The following CNDP2 variants were observed in gnomAD, a reference collection of about 807,000 sequenced individuals.
CNDP2 encodes the protein carnosine dipeptidase 2.
Under a neutral mutation model 55.0 loss-of-function variants are expected in CNDP2, and 38 were observed. The observed-to-expected ratio is 0.69, with a 90% CI of 0.53 to 0.90. The LOEUF is 0.90. Ranked by LOEUF, CNDP2 falls within the 40% of genes least tolerant of loss-of-function variation. The pLI is 0.00. For synonymous variants in CNDP2, 241 were observed against 260.2 expected (o/e 0.93, Z 0.71); for missense variants, 607 against 621.7 (o/e 0.98, Z 0.25).
At chr18:74,511,572 G>A (rs1345953624) in intron 6 of CNDP2, among the ~76,000 whole-genome samples, 1 of 152,162 alleles carries the variant, frequency 6.6e-6, no homozygotes, top group African/African-American at 2.4e-5. Context: ...GCCAGGTGTG[G>A]TGGCAGGTGC....
At chr18:74,503,596 C>T (rs1978833833) in intron 3 of CNDP2, among the ~76,000 whole-genome samples, 1 of 152,236 alleles carries the variant, frequency 6.6e-6, no homozygotes, top group Non-Finnish European at 1.5e-5. Context: ...AATCTGTGGT[C>T]ATTTGAAAAT....
In CNDP2 at chr18:74,513,602, T is replaced by C; in HGVS notation, c.786T>C (p.Ile262=). 1 of 1,613,922 alleles carries C rather than the reference T, an allele frequency of 6.2e-7. No homozygotes were observed. Among genetic ancestry groups the C allele is most frequent in the East Asian group, 2.2e-5 (1 of 44,866 alleles). Residue 262 remains isoleucine, a synonymous_variant, in exon 8 of 12, where the codon ATT becomes ATC. Coordinates refer to ENST00000324262, the MANE Select transcript of CNDP2 (RefSeq NM_018235.3). The stretch of plus-strand genomic sequence containing the variant: ...GGGGGAACATCCTGATCCCCGGCAT[T>C]AACGAGGCCGTGGCCGCCGTCACGG... ...DKRGNILIPG[I]NEAVAAVTEE... is the part of the protein sequence containing the mutation.
At chr18:74,497,260 C>G (rs748077859) in intron 1 of CNDP2, among the ~76,000 whole-genome samples, 9 of 152,144 alleles carry the variant, frequency 5.9e-5, no homozygotes, top group African/African-American at 1.9e-4. Context: ...GAAGAGAAGT[C>G]CACATTATGC....
At chr18:74,516,435 T>C (rs984855661) in intron 9 of CNDP2, 43 bp downstream of exon 9, 1 of 1,555,660 alleles carries the variant, frequency 6.4e-7, no homozygotes, top group East Asian at 2.3e-5. Context: ...AGAGCTACTG[T>C]GTCCGGGCAG....
chr18:74,503,262 C>A (rs2144578174), intron 3 of CNDP2, among the ~76,000 whole-genome samples: 1 of 152,226 alleles, frequency 6.6e-6, no homozygotes, highest in South Asian at 2.1e-4. Context: ...TGATTTTTAT[C>A]AAGGAATTGA....
intron 2 of CNDP2, 159 bp from the exon 3 acceptor site, chr18:74,501,170 A>G: frequency 7.3e-7 from 1 of 1,366,258 alleles, no homozygotes; most frequent in South Asian, 1.9e-5. Flanking sequence ...TAAAATCTTT[A>G]ACCCAAAGCA....
In CNDP2 at chr18:74,501,259, C is replaced by T. The variant is rs112631134; in HGVS notation, c.61-70C>T. 1.4e-3 allele frequency: 2,165 copies of T among 1,550,086 alleles called. 27 individuals are homozygous for T. In the African/African-American group the frequency reaches 0.026, roughly 19 times the overall value. Reference sequence around the variant, plus strand: ...AGAGGGTGAGCCTGGAATGTGGCAACGTTACGGGAGCCTCTTCTCCCTCAA... The same window carrying T: ...AGAGGGTGAGCCTGGAATGTGGCAATGTTACGGGAGCCTCTTCTCCCTCAA... On this transcript the variant is annotated intron_variant, in intron 2 of 11. Coordinates refer to ENST00000324262, the MANE Select transcript of CNDP2 (RefSeq NM_018235.3).
At chr18:74,509,632 CA>C (rs35007246) in intron 5 of CNDP2, 47,985 of 137,570 alleles carry the variant, frequency 0.35, 7,834 homozygotes, top group Non-Finnish European at 0.39. Flanking sequence ...GACTCTGTCT[CA>C]AAAAAAAAAA....
intron 1 of CNDP2, among the ~76,000 whole-genome samples, chr18:74,498,730 G>A (rs149191198): frequency 6.6e-6 from 1 of 152,266 alleles, no homozygotes; most frequent in African/African-American, 2.4e-5. Context: ...CGTGCTCATG[G>A]GCTCCATCTT....
chr18:74,520,038 C>T lies in CNDP2; in HGVS notation c.1398C>T (p.Tyr466=). The T allele has an allele frequency of 6.2e-7, 1 of 1,614,146 alleles. No homozygotes were observed. Among genetic ancestry groups the T allele is most frequent in the Non-Finnish European group, 8.5e-7 (1 of 1,180,004 alleles). Residue 466 remains tyrosine, a synonymous_variant, in exon 12 of 12, where the codon TAC becomes TAT. Coordinates refer to ENST00000324262, the MANE Select transcript of CNDP2 (RefSeq NM_018235.3). ...AGGGAACCAAGATGCTGGCCGCGTA[C>T]CTGTATGAGGTCTCCCAGCTGAAGG... The part of the protein sequence containing the change: ...YIEGTKMLAA[Y]LYEVSQLKD
At position 74,521,404 on chromosome 18, in the gene CNDP2, T is replaced by TA. The variant is rs1980039447; in HGVS notation, c.*1340dup. 6.6e-6 allele frequency: 1 copy of TA among 152,182 alleles called. No homozygotes were observed. The highest frequency in any genetic ancestry group is 2.1e-4 in the South Asian group (1 of 4,822). The allele number at this position is 152,182 out of a possible 1,614,324, so 9.4% of individuals were successfully genotyped here. ...AAAGAATTGATTGGCCCACTTGACA[T>TA]AAAAGAACAGAGTAAACTCAATGAA... On this transcript the variant is annotated 3_prime_UTR_variant, in exon 12 of 12. Transcript: ENST00000324262.
At chr18:74,510,650 C>T (rs554721687) in intron 5 of CNDP2, among the ~76,000 whole-genome samples, 163 bp from the exon 6 acceptor site, 2 of 152,178 alleles carry the variant, frequency 1.3e-5, no homozygotes, top group Admixed American at 6.5e-5. Context: ...GGAGCCACAG[C>T]GGCCTGGCAG....
Position 74,505,875 on chromosome 18 carries a change from C to G in CNDP2, c.231C>G (p.Leu77=). Reference sequence around the variant, plus strand: ...TCCCTGATGGCTCGGAGATCCCGCTCCCTCCTATTCTGCTCGGCAGGCTGG... The same window carrying G: ...TCCCTGATGGCTCGGAGATCCCGCTGCCTCCTATTCTGCTCGGCAGGCTGG... ...QKLPDGSEIP[L]PPILLGRLGS... Residue 77 remains leucine (L), a synonymous_variant, in exon 4 of 12, where the codon CTC becomes CTG. Coordinates refer to ENST00000324262, the MANE Select transcript of CNDP2 (RefSeq NM_018235.3). 1.2e-6 allele frequency: 2 copies of G among 1,610,198 alleles called. No homozygotes were observed. Among genetic ancestry groups the G allele is most frequent in the Non-Finnish European group, 1.7e-6 (2 of 1,178,888 alleles).
intron 3 of CNDP2, among the ~76,000 whole-genome samples, chr18:74,502,472 G>GTTTTTTTTTTTT (rs139713521): frequency 6.7e-6 from 1 of 148,608 alleles, no homozygotes; most frequent in Admixed American, 6.7e-5. Context: ...TTGTCTTTTT[G>GTTTTTTTTTTTT]GTTTTTTTTT....
Position 74,506,017 on chromosome 18 carries a change from C to A in CNDP2, c.367+6C>A. Reference sequence around the variant, plus strand: ...CACCCTGGTGGAGCGAGACGGTGAGCGCCGCGCGCCTATGCGTGCCCAGAG... The same window carrying A: ...CACCCTGGTGGAGCGAGACGGTGAGAGCCGCGCGCCTATGCGTGCCCAGAG... On this transcript the variant is annotated splice_donor_region_variant and intron_variant, in intron 4 of 11. Coordinates refer to ENST00000324262, the MANE Select transcript of CNDP2 (RefSeq NM_018235.3). The A allele has an allele frequency of 6.4e-7, 1 of 1,563,962 alleles. No homozygotes were observed. The highest frequency in any genetic ancestry group is 1.2e-5 in the South Asian group (1 of 83,372).
intron 2 of CNDP2, 83 bp from the exon 3 acceptor site, chr18:74,501,237 GGGTGAGCCT>G: frequency 6.6e-7 from 1 of 1,517,158 alleles, no homozygotes; most frequent in Non-Finnish European, 8.8e-7. Context: ...CAGCCACAGA[GGGTGAGCCT>G]GGAATGTGGC....
At chr18:74,510,481 G>A (rs1282705483) in intron 5 of CNDP2, among the ~76,000 whole-genome samples, 4 of 152,154 alleles carry the variant, frequency 2.6e-5, no homozygotes, top group African/African-American at 2.4e-5. Flanking sequence ...TCCTCGTGTC[G>A]GTGGCTCCGC....
chr18:74,522,437 TG>T lies in CNDP2; in HGVS notation c.*2370del. The T allele has an allele frequency of 6.6e-6, 1 of 152,372 alleles. No homozygotes were observed. The highest frequency in any genetic ancestry group is 1.9e-4 in the East Asian group (1 of 5,188). 9.4% of individuals were successfully genotyped at this position (152,372 alleles called of 1,614,324 possible). On this transcript the variant is annotated 3_prime_UTR_variant, in exon 12 of 12. Transcript: ENST00000324262. ...TGGGCCCCCGTTAGTCAGGAACCCA[TG>T]CTGAGAGGTGCTATGCTTTGAATGT...
chr18:74,508,529 G>C (rs1433515592), intron 4 of CNDP2: 1 of 287,830 alleles, frequency 3.5e-6, no homozygotes, highest in Non-Finnish European at 6.7e-6. Flanking sequence ...AGCTGGCTGC[G>C]ACTCCCTGGA....
Sources: gnomAD v4.1 joint callset for allele counts (sites outside exome capture counted in the v4.1 genomes callset) on GRCh38, gnomAD v4.1.1 for gene constraint, MANE v1.5 for transcripts, NCBI Gene and HGNC (gene_info 2026-07-23, HGNC 2026-07-21) for gene names.